ASAP2: variants seen among roughly 807,000 people sequenced by gnomAD.
The protein encoded by ASAP2 is arf-GAP with SH3 domain, ANK repeat and PH domain-containing protein 2.
ASAP2 carries 45 observed loss-of-function variants against 131.4 expected under a neutral mutation model. The ratio of observed to expected loss-of-function variants is 0.34; its 90% CI spans 0.27 to 0.44. ASAP2 has a LOEUF of 0.44. Among genes scored for constraint, ASAP2 ranks in the 20% least tolerant of loss-of-function variants. The pLI is 1.00. For synonymous variants in ASAP2, 510 were observed against 503.0 expected, an observed-to-expected ratio of 1.01 and a Z score of -0.19; for missense variants, 1,011 against 1,297.0, an observed-to-expected ratio of 0.78 and a Z score of 3.39.
At chr2:9,287,798 A>G (rs1339218878) in intron 2 of ASAP2, among the ~76,000 whole-genome samples, 1 of 151,246 alleles carries the variant, frequency 6.6e-6, no homozygotes, top group African/African-American at 2.5e-5. Context: ...GCTAACAACA[A>G]TGATTGGAAT....
At chr2:9,396,323 G>A (rs1317692917) in intron 24 of ASAP2, among the ~76,000 whole-genome samples, 1 of 152,134 alleles carries the variant, frequency 6.6e-6, no homozygotes, top group African/African-American at 2.4e-5. Flanking sequence ...TGCCCAGGCT[G>A]GAGTACAGTG....
At chr2:9,289,083 CT>C (rs1667636273) in intron 2 of ASAP2, among the ~76,000 whole-genome samples, 1 of 152,170 alleles carries the variant, frequency 6.6e-6, no homozygotes, top group Non-Finnish European at 1.5e-5. Context: ...GCATGTTTAT[CT>C]TTGTCTTGCT....
intron 2 of ASAP2, among the ~76,000 whole-genome samples, chr2:9,287,868 G>A (rs1251594561): frequency 6.6e-6 from 1 of 152,118 alleles, no homozygotes; most frequent in East Asian, 1.9e-4. Context: ...ATGGAAGGAG[G>A]GTACCTCTGA....
intron 17 of ASAP2, among the ~76,000 whole-genome samples, 182 bp downstream of exon 17, chr2:9,375,126 A>G (rs894599842): frequency 9.7e-4 from 140 of 144,510 alleles, no homozygotes; most frequent in African/African-American, 3.4e-3. Context: ...AAAAAAAAAA[A>G]GTAAAATTGG....
chr2:9,333,770 A>T (rs1181129363), intron 7 of ASAP2, among the ~76,000 whole-genome samples: 1 of 152,174 alleles, frequency 6.6e-6, no homozygotes, highest in African/African-American at 2.4e-5. Context: ...AAAGGGTTAC[A>T]CACAGCACCC....
chr2:9,392,767 C>T lies in ASAP2; in HGVS notation c.2519-715C>T, dbSNP rs73150968. ...CTTTTCCTGGCAGAGGGAAACCCAG[C>T]GCCTTATGTGTTACCCATCCTGAGG... On this transcript the variant is annotated intron_variant, in intron 23 of 27. Transcript: ENST00000281419. The surrounding 1 kb of genome is among the most constrained non-coding windows in gnomAD (Gnocchi z 4.0). 1.6e-3 allele frequency among the ~76,000 whole-genome samples: 242 copies of T among 152,154 alleles called. No homozygotes were observed. The highest frequency in any genetic ancestry group is 5.4e-3 in the African/African-American group (224 of 41,536).
At chr2:9,351,113 G>T (rs74873794) in intron 12 of ASAP2, among the ~76,000 whole-genome samples, 1 of 152,214 alleles carries the variant, frequency 6.6e-6, no homozygotes, top group Admixed American at 6.5e-5. Context: ...CTGCTCCTTG[G>T]GGGCACTGTA....
At chr2:9,322,034 G>A (rs138362812) in intron 5 of ASAP2, among the ~76,000 whole-genome samples, 8 of 152,244 alleles carry the variant, frequency 5.3e-5, no homozygotes, top group African/African-American at 7.2e-5. Context: ...GTGTCTGGAC[G>A]GTCTCTTGCC....
chr2:9,355,412 T>C (rs1272824984), intron 12 of ASAP2, among the ~76,000 whole-genome samples: 4 of 152,358 alleles, frequency 2.6e-5, no homozygotes, highest in East Asian at 3.9e-4. Context: ...TATATGTTTT[T>C]GGCAAGAGCA....
rs1187891557 is a variant in ASAP2 at position 9,281,151 on chromosome 2, T to C, written c.199+1762T>C. On this transcript the variant is annotated intron_variant, in intron 2 of 27. Coordinates refer to ENST00000281419, the MANE Select transcript of ASAP2 (RefSeq NM_003887.3). The surrounding 1 kb of genome is among the most constrained non-coding windows in gnomAD (Gnocchi z 4.0). ...TATCTTGGAAGATTTTTTTTTTTTTTACTGCGTTCACTTGGACTTTTTGAG... is the reference window on the plus strand; with the variant it reads ...TATCTTGGAAGATTTTTTTTTTTTTCACTGCGTTCACTTGGACTTTTTGAG... 6.6e-6 allele frequency among the ~76,000 whole-genome samples: 1 copy of C among 152,166 alleles called. No homozygotes were observed. The highest frequency in any genetic ancestry group is 1.5e-5 in the Non-Finnish European group (1 of 68,022).
chr2:9,393,765 T>G, intron 24 of ASAP2, 118 bp downstream of exon 24: 1 of 1,109,304 alleles, frequency 9.0e-7, no homozygotes. Context: ...GGGCGCCACA[T>G]AACTAATTCA....
At chr2:9,317,717 C>T (rs927651385) in intron 3 of ASAP2, among the ~76,000 whole-genome samples, 1 of 151,554 alleles carries the variant, frequency 6.6e-6, no homozygotes, top group Non-Finnish European at 1.5e-5. Flanking sequence ...CACACCCATA[C>T]ACAATCACAT....
chr2:9,244,146 C>A (rs1038703172), intron 1 of ASAP2, among the ~76,000 whole-genome samples: 6 of 151,986 alleles, frequency 3.9e-5, no homozygotes, highest in African/African-American at 7.3e-5. Context: ...CCAAAAAAAC[C>A]CCACAAAAAT....
chr2:9,212,507 AGGT>A lies in ASAP2; in HGVS notation c.126+5283_126+5285del, dbSNP rs1049651079. ...TTAGGTAAATATTGATCTACTCCTG[AGGT>A]GGTGGCCAGCTCGGCGTCTGCGGTA... On this transcript the variant is annotated intron_variant, in intron 1 of 27. Transcript: ENST00000281419. Among the ~76,000 whole-genome samples, 559 of 152,184 alleles carry A rather than the reference AGGT, an allele frequency of 3.7e-3. 1 individual carries two copies. Among genetic ancestry groups the A allele is most frequent in the African/African-American group, 0.013 (521 of 41,504 alleles).
At chr2:9,329,929 G>A (rs1670719713) in intron 7 of ASAP2, among the ~76,000 whole-genome samples, 1 of 152,074 alleles carries the variant, frequency 6.6e-6, no homozygotes, top group African/African-American at 2.4e-5. Context: ...TCTTCCTCCT[G>A]TGTTGCCACC....
At chr2:9,316,197 C>A (rs1326241085) in intron 3 of ASAP2, among the ~76,000 whole-genome samples, 2 of 151,954 alleles carry the variant, frequency 1.3e-5, no homozygotes, top group African/African-American at 4.8e-5. Flanking sequence ...TGGCCCGTGC[C>A]TATAGTCCCA....
chr2:9,215,350 G>A (rs1661945747), intron 1 of ASAP2, among the ~76,000 whole-genome samples: 2 of 152,014 alleles, frequency 1.3e-5, no homozygotes, highest in Admixed American at 6.6e-5. Flanking sequence ...TTTTTACCAT[G>A]CTCATAATGC....
chr2:9,404,865 T>C lies in ASAP2; in HGVS notation c.*1538T>C, dbSNP rs566568728. On this transcript the variant is annotated 3_prime_UTR_variant, in exon 28 of 28. Coordinates refer to ENST00000281419, the MANE Select transcript of ASAP2 (RefSeq NM_003887.3). ...CAAAGTTCCGGGTAAAAATGTGTTA[T>C]ATCTGTAGTTTTTTGTTTTTGTTTT... is the stretch of plus-strand genomic sequence containing the variant. 1.3e-5 allele frequency: 2 copies of C among 152,734 alleles called. No individual in the cohort carries two copies. Among genetic ancestry groups the C allele is most frequent in the African/African-American group, 4.8e-5 (2 of 41,582 alleles). 9.5% of individuals were successfully genotyped at this position (152,734 alleles called of 1,614,324 possible).
chr2:9,289,976 G>C (rs1667708802), intron 2 of ASAP2, among the ~76,000 whole-genome samples: 1 of 135,654 alleles, frequency 7.4e-6, no homozygotes. Context: ...CGGAGGAAGT[G>C]GCAGGAAGAA....
Sources: allele counts gnomAD v4.1 joint callset (sites outside exome capture counted in the v4.1 genomes callset), GRCh38; gene constraint gnomAD v4.1.1; non-coding constraint Gnocchi (gnomAD v3.1); transcripts MANE v1.5; gene names NCBI Gene and HGNC (gene_info 2026-07-23, HGNC 2026-07-21).